SCOC: variants seen among roughly 807,000 people sequenced by gnomAD.
The protein encoded by SCOC is short coiled coil protein.
Under a neutral mutation model 9.9 loss-of-function variants are expected in SCOC, and 7 were observed. That is an observed-to-expected ratio of 0.71 (90% confidence interval 0.40 to 1.33). The LOEUF (loss-of-function observed/expected upper bound fraction) is 1.33. Among genes scored for constraint, SCOC ranks in the 40% most tolerant of loss-of-function variants. SCOC has a pLI of 0.01. For synonymous variants in SCOC, 19 were observed against 28.2 expected (o/e 0.67, Z 1.03); for missense variants, 66 against 89.7 (o/e 0.74, Z 1.07).
chr4:140,294,741 A>G (rs576000389), intron 1 of SCOC, among the ~76,000 whole-genome samples: 314 of 152,312 alleles, frequency 2.1e-3, no homozygotes, highest in Non-Finnish European at 3.8e-3. Flanking sequence ...CGTGCCGCCC[A>G]ATCCACCATA....
chr4:140,320,654 C>T (rs1732474390), intron 1 of SCOC, among the ~76,000 whole-genome samples: 1 of 152,122 alleles, frequency 6.6e-6, no homozygotes, highest in Admixed American at 6.6e-5. Flanking sequence ...AAATGTCCTC[C>T]AAGATGCTGG....
intron 1 of SCOC, among the ~76,000 whole-genome samples, chr4:140,265,858 T>C (rs1296225839): frequency 6.6e-6 from 1 of 152,200 alleles, no homozygotes; most frequent in African/African-American, 2.4e-5. Flanking sequence ...CCATCTTTTG[T>C]GCATGTGAAC....
intron 1 of SCOC, among the ~76,000 whole-genome samples, chr4:140,261,460 T>A (rs1730632324): frequency 1.3e-5 from 2 of 152,198 alleles, no homozygotes; most frequent in South Asian, 4.1e-4. Context: ...TACCCCAGAC[T>A]TTGCCACAAT....
intron 1 of SCOC, among the ~76,000 whole-genome samples, chr4:140,328,174 G>GAC (rs1235544025): frequency 6.6e-6 from 1 of 152,174 alleles, no homozygotes; most frequent in Non-Finnish European, 1.5e-5. Context: ...TCTTCTTACT[G>GAC]ACACACTTAA....
rs1354089428 is a variant in SCOC at position 140,382,377 on chromosome 4, C to T, written c.*1273C>T. 1 of 152,494 alleles carries T rather than the reference C, an allele frequency of 6.6e-6. No individual in the cohort carries two copies. Among genetic ancestry groups the T allele is most frequent in the South Asian group, 2.1e-4 (1 of 4,822 alleles). The allele number at this position is 152,494 out of a possible 1,614,324, so 9.4% of individuals were successfully genotyped here. On this transcript the variant is annotated 3_prime_UTR_variant, in exon 4 of 4. Transcript: ENST00000608372. ...GTAGCTTAAGGTTATTAGATTTGGG[C>T]TTTTAATCATGGAATAATCTTATGT...
At chr4:140,340,453 T>G (rs1175739797), upstream of SCOC, among the ~76,000 whole-genome samples, 1 of 151,558 alleles carries the variant, frequency 6.6e-6, no homozygotes, top group Non-Finnish European at 1.5e-5. Flanking sequence ...ACCCTAAAAC[T>G]TAAAGTATAA....
intron 1 of SCOC, among the ~76,000 whole-genome samples, chr4:140,262,175 G>A (rs1049749336): frequency 1.3e-5 from 2 of 152,144 alleles, no homozygotes; most frequent in African/African-American, 4.8e-5. Context: ...GTCTCTATTA[G>A]ACCTATGAAA....
intron 1 of SCOC, among the ~76,000 whole-genome samples, chr4:140,270,435 G>A (rs1730818022): frequency 6.6e-6 from 1 of 152,088 alleles, no homozygotes; most frequent in Admixed American, 6.5e-5. Context: ...CCAGGCTCAA[G>A]GGATCCTCCC....
intron 1 of SCOC, among the ~76,000 whole-genome samples, chr4:140,378,184 CATTT>C (rs1368812799): frequency 6.6e-6 from 1 of 151,874 alleles, no homozygotes; most frequent in Non-Finnish European, 1.5e-5. Context: ...GACATTTTTT[CATTT>C]ATTCCATATT....
intron 1 of SCOC, among the ~76,000 whole-genome samples, chr4:140,288,108 C>T (rs938491083): frequency 1.3e-5 from 2 of 151,948 alleles, no homozygotes; most frequent in African/African-American, 4.8e-5. Flanking sequence ...CATATCAACC[C>T]CATGCTGTAC....
intron 2 of SCOC, among the ~76,000 whole-genome samples, chr4:140,362,277 ACTTCTT>A (rs1305620519): frequency 2.6e-4 from 3 of 11,664 alleles, no homozygotes; most frequent in Admixed American, 9.3e-4. Flanking sequence ...GTGTGTCCTT[ACTTCTT>A]CTTCTTCTTC....
Position 140,316,297 on chromosome 4 carries a change from TC to T in SCOC, c.-18-27321del, listed in dbSNP as rs1331897503. The stretch of plus-strand genomic sequence containing the variant: ...AGGCTGGGTCAGATCGGGGACAGTT[TC>T]CCAAGTCAATAACGACTTCCTAGAA... On this transcript the variant is annotated intron_variant, in intron 1 of 4. Coordinates refer to the SCOC transcript ENST00000394205. 3.3e-5 allele frequency among the ~76,000 whole-genome samples: 5 copies of T among 152,306 alleles called. No individual in the cohort carries two copies. The East Asian group carries it at 7.7e-4, about 23-fold the overall frequency.
At chr4:140,284,202 T>A (rs1351889318) in intron 1 of SCOC, 1 of 151,056 alleles carries the variant, frequency 6.6e-6, no homozygotes, top group Non-Finnish European at 1.5e-5. Context: ...ACGTTACAGT[T>A]GAGAAATAGG....
chr4:140,347,595 C>T (rs935833245), intron 2 of SCOC, among the ~76,000 whole-genome samples: 8 of 152,152 alleles, frequency 5.3e-5, no homozygotes, highest in South Asian at 2.1e-4. Flanking sequence ...TCTGGACACA[C>T]GCTCTGGATG....
chr4:140,374,849 TA>T (rs1487117657), intron 1 of SCOC, among the ~76,000 whole-genome samples: 11 of 152,238 alleles, frequency 7.2e-5, no homozygotes, highest in African/African-American at 2.7e-4. Flanking sequence ...GAAAGATATA[TA>T]GACTTTCTGA....
At chr4:140,356,486 T>C (rs1388352815) in intron 2 of SCOC, among the ~76,000 whole-genome samples, 1 of 152,226 alleles carries the variant, frequency 6.6e-6, no homozygotes, top group Non-Finnish European at 1.5e-5. Context: ...ATATGTTGCA[T>C]GTAGCTGTCA....
At chr4:140,267,579 G>A (rs1482736309) in intron 1 of SCOC, among the ~76,000 whole-genome samples, 1 of 152,128 alleles carries the variant, frequency 6.6e-6, no homozygotes, top group East Asian at 1.9e-4. Flanking sequence ...GGTGGAGGTA[G>A]AGAGGGAGAA....
At chr4:140,362,307 T>TCCTCTTCCTCTTCCTCTTC (rs1367879973) in intron 2 of SCOC, among the ~76,000 whole-genome samples, 3 of 67,658 alleles carry the variant, frequency 4.4e-5, no homozygotes, top group South Asian at 4.0e-4. Context: ...TTCTTTTTTT[T>TCCTCTTCCTCTTCCTCTTC]TTTTTTTTGT....
At position 140,375,297 on chromosome 4, in the gene SCOC, G is replaced by A. The variant is rs185457820; in HGVS notation, c.-51+1580G>A. Among the ~76,000 whole-genome samples, 906 of 152,306 alleles carry A rather than the reference G, an allele frequency of 5.9e-3. 6 individuals are homozygous for A. The highest frequency in any genetic ancestry group is 9.9e-3 in the Admixed American group (151 of 15,314). On this transcript the variant is annotated intron_variant, in intron 1 of 3. Coordinates refer to ENST00000608372, the MANE Select transcript of SCOC (RefSeq NM_001153484.2). ...GAGAAGACGATAGCAGACATTTATT[G>A]AATACCTACTATGTACTAGGTACTG... is the stretch of plus-strand genomic sequence containing the variant.
Sources: gnomAD v4.1 joint callset for allele counts (sites outside exome capture counted in the v4.1 genomes callset) on GRCh38, gnomAD v4.1.1 for gene constraint, MANE v1.5 for transcripts, NCBI Gene and HGNC (gene_info 2026-07-23, HGNC 2026-07-21) for gene names.